SLC7A14: variants seen among roughly 807,000 people sequenced by gnomAD.
The protein encoded by SLC7A14 is solute carrier family 7 member 14.
Under a neutral mutation model 60.2 loss-of-function variants are expected in SLC7A14, and 37 were observed. The observed-to-expected ratio is 0.61, with a 90% confidence interval of 0.47 to 0.81. SLC7A14 has a LOEUF of 0.81. Among genes scored for constraint, SLC7A14 ranks in the 30% least tolerant of loss-of-function variants. The pLI is 0.00. For synonymous variants in SLC7A14, 399 were observed against 395.8 expected, an observed-to-expected ratio of 1.01 and a Z score of -0.10; for missense variants, 886 against 982.7, an observed-to-expected ratio of 0.90 and a Z score of 1.32.
At chr3:170,560,326 A>G (rs1057231306) in intron 1 of SLC7A14, among the ~76,000 whole-genome samples, 4 of 152,200 alleles carry the variant, frequency 2.6e-5, no homozygotes, top group African/African-American at 9.7e-5. Flanking sequence ...AGAGAATAAT[A>G]TTCAAAGCAT....
chr3:170,496,568 C>A, intron 4 of SLC7A14: 2 of 1,598,918 alleles, frequency 1.3e-6, no homozygotes, highest in East Asian at 4.5e-5. Flanking sequence ...AGCTGATGAA[C>A]GTCAAACTGG....
chr3:170,566,839 A>C (rs954719922), intron 1 of SLC7A14, among the ~76,000 whole-genome samples: 3 of 152,038 alleles, frequency 2.0e-5, no homozygotes, highest in South Asian at 4.1e-4. Context: ...AAAGAAAAGA[A>C]AAACAAAACA....
At chr3:170,566,295 C>T (rs1035787375) in intron 1 of SLC7A14, among the ~76,000 whole-genome samples, 2 of 152,150 alleles carry the variant, frequency 1.3e-5, no homozygotes, top group African/African-American at 4.8e-5. Flanking sequence ...TGGAGGAGTC[C>T]TTTCAGCTGA....
At chr3:170,524,574 T>A (rs1713436716) in intron 2 of SLC7A14, among the ~76,000 whole-genome samples, 1 of 152,226 alleles carries the variant, frequency 6.6e-6, no homozygotes. Context: ...GCCCTGTGCC[T>A]TCTGTGGAAC....
rs987110299 is a variant in SLC7A14 at position 170,460,616 on chromosome 3, G to C, written c.*6439C>G. 1.3e-5 allele frequency: 2 copies of C among 152,048 alleles called. No homozygotes were observed. The highest frequency in any genetic ancestry group is 2.9e-5 in the Non-Finnish European group (2 of 68,024). 9.4% of individuals were successfully genotyped at this position (152,048 alleles called of 1,614,324 possible). A position where few individuals can be genotyped will look rare whatever the true frequency, so the allele number is the denominator to read the frequency against. ...CAGTCCTTTAAAGTCTGCACTGCAG[G>C]TGAAATTCACATGACTCACAATTCC... is the stretch of plus-strand genomic sequence containing the variant. On this transcript the variant is annotated 3_prime_UTR_variant, in exon 8 of 8. Transcript: ENST00000231706.
intron 5 of SLC7A14, 100 bp from the exon 6 acceptor site, chr3:170,483,622 G>T: frequency 7.8e-7 from 1 of 1,274,750 alleles, no homozygotes; most frequent in East Asian, 2.3e-5. Context: ...GGAGGCAGAG[G>T]CTTGCATGGC....
intron 1 of SLC7A14, among the ~76,000 whole-genome samples, chr3:170,574,766 G>A (rs762107953): frequency 1.3e-5 from 2 of 152,186 alleles, no homozygotes; most frequent in African/African-American, 2.4e-5. Context: ...CAAGGAGTGA[G>A]GGAGCCTGAG....
At chr3:170,480,030 G>T (rs1417287531) in intron 7 of SLC7A14, among the ~76,000 whole-genome samples, 1 of 152,122 alleles carries the variant, frequency 6.6e-6, no homozygotes, top group African/African-American at 2.4e-5. Flanking sequence ...TAATTATCCT[G>T]ATATAGAAAG....
At chr3:170,481,983 A>G (rs886161158) in intron 6 of SLC7A14, among the ~76,000 whole-genome samples, 1 of 152,222 alleles carries the variant, frequency 6.6e-6, no homozygotes, top group Non-Finnish European at 1.5e-5. Flanking sequence ...GGCCTAGCAA[A>G]CTGCTTTAAA....
chr3:170,470,334 G>C (rs1219159137), intron 7 of SLC7A14, among the ~76,000 whole-genome samples: 5 of 151,624 alleles, frequency 3.3e-5, no homozygotes, highest in Admixed American at 1.3e-4. Flanking sequence ...GTGTGTGTGT[G>C]TGTGTATGTG....
At chr3:170,557,526 G>A (rs1186947934) in intron 1 of SLC7A14, among the ~76,000 whole-genome samples, 1 of 152,178 alleles carries the variant, frequency 6.6e-6, no homozygotes, top group Non-Finnish European at 1.5e-5. Flanking sequence ...CTTGTGAAGT[G>A]AAAATATCTT....
chr3:170,579,819 A>G (rs1715187783), intron 1 of SLC7A14, among the ~76,000 whole-genome samples: 1 of 152,230 alleles, frequency 6.6e-6, no homozygotes, highest in Non-Finnish European at 1.5e-5. Context: ...TCTCTTCAAG[A>G]TAAGAGTGGA....
chr3:170,568,048 A>C (rs1240725524), intron 1 of SLC7A14, among the ~76,000 whole-genome samples: 1 of 152,078 alleles, frequency 6.6e-6, no homozygotes, highest in Non-Finnish European at 1.5e-5. Flanking sequence ...TTTTGTTGCC[A>C]TTGCTTTTGG....
chr3:170,482,288 A>C (rs1711857453), intron 6 of SLC7A14, among the ~76,000 whole-genome samples: 1 of 152,216 alleles, frequency 6.6e-6, no homozygotes, highest in Admixed American at 6.5e-5. Context: ...TTGACAGCAG[A>C]AAAATCTTTT....
intron 3 of SLC7A14, 128 bp downstream of exon 3, chr3:170,500,981 G>T: frequency 2.5e-6 from 2 of 795,912 alleles, no homozygotes; most frequent in Non-Finnish European, 2.1e-6. Context: ...GAATTACTTT[G>T]CAAAAGAAAA....
chr3:170,580,544 G>A (rs1715207618), intron 1 of SLC7A14, among the ~76,000 whole-genome samples: 1 of 152,200 alleles, frequency 6.6e-6, no homozygotes, highest in Non-Finnish European at 1.5e-5. Flanking sequence ...AGTCCCATAT[G>A]CAACAAAGGC....
chr3:170,478,462 C>A (rs1293483415), intron 7 of SLC7A14, among the ~76,000 whole-genome samples: 1 of 152,084 alleles, frequency 6.6e-6, no homozygotes, highest in Non-Finnish European at 1.5e-5. Context: ...TGAAGTCTAA[C>A]CAGGGGGACT....
chr3:170,499,080 CAA>C (rs1045251825), intron 3 of SLC7A14, among the ~76,000 whole-genome samples, 196 bp from the exon 4 acceptor site: 1 of 150,928 alleles, frequency 6.6e-6, no homozygotes, highest in Non-Finnish European at 1.5e-5. Flanking sequence ...ACTAAAAATA[CAA>C]AAAAATTAGC....
chr3:170,476,597 C>T (rs548727718), intron 7 of SLC7A14, among the ~76,000 whole-genome samples: 1 of 152,318 alleles, frequency 6.6e-6, no homozygotes, highest in South Asian at 2.1e-4. Context: ...AGGTTCACAT[C>T]GTGCTTTGGC....
Sources: allele counts gnomAD v4.1 joint callset (sites outside exome capture counted in the v4.1 genomes callset), GRCh38; gene constraint gnomAD v4.1.1; transcripts MANE v1.5; gene names NCBI Gene and HGNC (gene_info 2026-07-23, HGNC 2026-07-21).